Variants in CNTN5 observed in about 807,000 individuals in gnomAD.
CNTN5 encodes contactin 5.
In CNTN5, 77 loss-of-function variants were observed where a neutral mutation model predicts 129.1. The observed-to-expected ratio is 0.60, with a 90% confidence interval of 0.50 to 0.72. The LOEUF (loss-of-function observed/expected upper bound fraction) is 0.72, where lower values mean the gene tolerates loss of function less well. Among genes scored for constraint, CNTN5 ranks in the 30% least tolerant of loss-of-function variants. CNTN5 has a pLI of 0.00. For synonymous variants in CNTN5, 509 were observed against 465.6 expected, an observed-to-expected ratio of 1.09 and a Z score of -1.20; for missense variants, 1,478 against 1,328.8, an observed-to-expected ratio of 1.11 and a Z score of -1.75.
In CNTN5 at chr11:100,191,249, A is replaced by G; in HGVS notation, c.1704A>G (p.Val568=). ...CTGAAATTATAGCTTCGCTATCTGT[A>G]AAAGGTAAGACAGCACGGGTAAATG... ...GSAEIIASLS[V]KEPTRIELTP... Residue 568 remains valine (V), a synonymous_variant, in exon 14 of 25, where the codon GTA becomes GTG. Coordinates refer to ENST00000524871, the MANE Select transcript of CNTN5 (RefSeq NM_014361.4). The G allele has an allele frequency of 6.2e-7, 1 of 1,611,846 alleles. No homozygotes were observed. Among genetic ancestry groups the G allele is most frequent in the Non-Finnish European group, 8.5e-7 (1 of 1,178,706 alleles).
chr11:99,775,844 A>G (rs1945105919), intron 3 of CNTN5, among the ~76,000 whole-genome samples: 1 of 152,002 alleles, frequency 6.6e-6, no homozygotes, highest in African/African-American at 2.4e-5. Flanking sequence ...ATTTAAAAAA[A>G]TTATCAAGAA....
At chr11:99,965,146 G>A (rs150718918) in intron 8 of CNTN5, among the ~76,000 whole-genome samples, 1 of 152,094 alleles carries the variant, frequency 6.6e-6, no homozygotes, top group Non-Finnish European at 1.5e-5. Flanking sequence ...ACGGTTTTTT[G>A]TGTCTTTATT....
chr11:99,474,812 A>G (rs1473532173), intron 2 of CNTN5, among the ~76,000 whole-genome samples: 1 of 152,138 alleles, frequency 6.6e-6, no homozygotes, highest in African/African-American at 2.4e-5. Flanking sequence ...CACTCTTTCT[A>G]GCACCCCCTG....
intron 1 of CNTN5, among the ~76,000 whole-genome samples, chr11:99,210,038 C>T (rs1356030110): frequency 6.6e-6 from 1 of 152,142 alleles, no homozygotes; most frequent in Non-Finnish European, 1.5e-5. Context: ...ATAGTCAGAA[C>T]TCCAAAGCTG....
In CNTN5 at chr11:99,252,956, C is replaced by CT. The variant is rs10708929; in HGVS notation, c.-209-72378dup. ...TGCTATAGCAAGTTCTCTTAAATCT[C>CT]TTTTTTTTTTTTGGCTTTCACATTT... On this transcript the variant is annotated intron_variant, in intron 1 of 24. Coordinates refer to ENST00000524871, the MANE Select transcript of CNTN5 (RefSeq NM_014361.4). 1.9e-4 allele frequency among the ~76,000 whole-genome samples: 28 copies of CT among 143,788 alleles called. No homozygotes were observed. In the East Asian group the frequency reaches 2.4e-3, roughly 12 times the overall value. 94.3% of individuals were successfully genotyped at this position (143,788 alleles called of 152,430 possible). A position where few individuals can be genotyped will look rare whatever the true frequency, so the allele number is the denominator to read the frequency against.
chr11:99,790,164 G>C (rs926716525), intron 3 of CNTN5, among the ~76,000 whole-genome samples: 1 of 151,916 alleles, frequency 6.6e-6, no homozygotes, highest in Non-Finnish European at 1.5e-5. Context: ...TGGTGTACAT[G>C]TGCCACATTT....
At chr11:100,242,387 T>C (rs1010890906) in intron 16 of CNTN5, among the ~76,000 whole-genome samples, 1 of 152,202 alleles carries the variant, frequency 6.6e-6, no homozygotes, top group African/African-American at 2.4e-5. Flanking sequence ...TTATTGACTT[T>C]CTTCTCTTTA....
At chr11:99,696,217 G>GATAT (rs1954263581) in intron 3 of CNTN5, among the ~76,000 whole-genome samples, 1 of 152,018 alleles carries the variant, frequency 6.6e-6, no homozygotes, top group African/African-American at 2.4e-5. Flanking sequence ...GTGCTTTAAA[G>GATAT]ATATGTTTGC....
intron 3 of CNTN5, among the ~76,000 whole-genome samples, chr11:99,730,067 T>G (rs1943479499): frequency 6.6e-6 from 1 of 152,174 alleles, no homozygotes; most frequent in African/African-American, 2.4e-5. Flanking sequence ...AAGTTGAATT[T>G]AATTAAATGA....
In CNTN5 at chr11:99,364,234, T is replaced by G. The variant is rs149524581; in HGVS notation, c.-71+38750T>G. On this transcript the variant is annotated intron_variant, in intron 2 of 24. Coordinates refer to ENST00000524871, the MANE Select transcript of CNTN5 (RefSeq NM_014361.4). The stretch of plus-strand genomic sequence containing the variant: ...GTGTTAGCTAAATTAAATCACTCAT[T>G]TGAACAGCTCAGAAATATCAATATG... Among the ~76,000 whole-genome samples, 13 of 152,284 alleles carry G rather than the reference T, an allele frequency of 8.5e-5. No homozygotes were observed. In the East Asian group the frequency reaches 2.3e-3, roughly 27 times the overall value.
At chr11:99,098,010 A>T (rs1459356316) in intron 1 of CNTN5, among the ~76,000 whole-genome samples, 1 of 152,048 alleles carries the variant, frequency 6.6e-6, no homozygotes, top group Non-Finnish European at 1.5e-5. Flanking sequence ...TTTAAGCCTC[A>T]ATAAATTTGC....
At chr11:99,478,818 C>A (rs1376945363) in intron 2 of CNTN5, among the ~76,000 whole-genome samples, 1 of 152,092 alleles carries the variant, frequency 6.6e-6, no homozygotes, top group South Asian at 2.1e-4. Flanking sequence ...TAAAAATATA[C>A]ATGTGCATTT....
At chr11:99,091,795 T>C (rs1378881185) in intron 1 of CNTN5, among the ~76,000 whole-genome samples, 1 of 152,156 alleles carries the variant, frequency 6.6e-6, no homozygotes, top group East Asian at 1.9e-4. Context: ...TGGCCATTTA[T>C]GATATAGAAT....
At chr11:99,708,931 G>A (rs554318399) in intron 3 of CNTN5, among the ~76,000 whole-genome samples, 11 of 151,756 alleles carry the variant, frequency 7.2e-5, no homozygotes, top group Non-Finnish European at 1.6e-4. Flanking sequence ...TTTACTGTCA[G>A]ATTTGATAAG....
intron 21 of CNTN5, among the ~76,000 whole-genome samples, chr11:100,323,781 C>A (rs1951740818): frequency 1.3e-5 from 2 of 151,816 alleles, no homozygotes; most frequent in Admixed American, 1.3e-4. Context: ...TTATATCCTT[C>A]TTTCTACTTT....
At chr11:99,772,958 G>C (rs1944995622) in intron 3 of CNTN5, among the ~76,000 whole-genome samples, 1 of 151,848 alleles carries the variant, frequency 6.6e-6, no homozygotes, top group African/African-American at 2.4e-5. Flanking sequence ...TTCAGTATTT[G>C]TAAATAAGCA....
intron 1 of CNTN5, among the ~76,000 whole-genome samples, chr11:99,079,645 A>G (rs527616689): frequency 6.6e-6 from 1 of 152,326 alleles, no homozygotes; most frequent in South Asian, 2.1e-4. Flanking sequence ...TTTCCAGCTA[A>G]ATTTATGAGC....
intron 15 of CNTN5, among the ~76,000 whole-genome samples, chr11:100,207,741 G>A (rs1948946115): frequency 6.6e-6 from 1 of 152,164 alleles, no homozygotes; most frequent in Non-Finnish European, 1.5e-5. Flanking sequence ...AAGGGACCCT[G>A]TGACATGCTT....
chr11:99,812,346 G>T (rs1243490019), intron 3 of CNTN5, among the ~76,000 whole-genome samples: 2 of 151,966 alleles, frequency 1.3e-5, no homozygotes, highest in Admixed American at 1.3e-4. Context: ...TGACAATTCG[G>T]TATTCATATT....
Sources: allele counts gnomAD v4.1 joint callset (sites outside exome capture counted in the v4.1 genomes callset), GRCh38; gene constraint gnomAD v4.1.1; transcripts MANE v1.5; gene names NCBI Gene and HGNC (gene_info 2026-07-23, HGNC 2026-07-21).